ENG: variants seen among roughly 807,000 people sequenced by gnomAD.
ENG encodes CD105 antigen.
A neutral mutation model predicts 71.0 loss-of-function variants in ENG; 17 were observed. The ratio of observed to expected loss-of-function variants is 0.24; its 90% CI spans 0.16 to 0.36. The LOEUF (loss-of-function observed/expected upper bound fraction) is 0.36. Among genes scored for constraint, ENG ranks in the 10% least tolerant of loss-of-function variants. ENG has a pLI of 1.00. For missense variants in ENG, 749 were observed against 868.3 expected, an observed-to-expected ratio of 0.86 and a Z score of 1.73; for synonymous variants, 360 against 366.9, an observed-to-expected ratio of 0.98 and a Z score of 0.21.
Position 127,824,373 on chromosome 9 carries a change from G to A in ENG, c.1065C>T (p.Leu355=). 6.2e-7 allele frequency: 1 copy of A among 1,614,174 alleles called. No individual in the cohort carries two copies. Among genetic ancestry groups the A allele is most frequent in the Non-Finnish European group, 8.5e-7 (1 of 1,180,032 alleles). The change falls in exon 8 of 15, where the codon CTC becomes CTT. Residue 355 remains leucine, a synonymous_variant. Coordinates refer to ENST00000373203, the MANE Select transcript of ENG (RefSeq NM_001114753.3). ...PPKDTCSPEL[L]MSLIQTKCAD... ...CACACTTTGTCTGGATCAAGGACAT[G>A]AGCAGCTCCGGGCTACAAGTGTCCT... is the stretch of plus-strand genomic sequence containing the variant.
chr9:127,829,934 C>T (rs1231359296), intron 2 of ENG, 107 bp from the exon 3 acceptor site: 2 of 1,505,718 alleles, frequency 1.3e-6, no homozygotes, highest in Non-Finnish European at 1.8e-6. Context: ...CTCTCCCTGC[C>T]TGCTCTGTCC....
chr9:127,824,519 T>TC (rs1830554842), intron 7 of ENG, 73 bp from the exon 8 acceptor site: 2 of 1,443,430 alleles, frequency 1.4e-6, no homozygotes, highest in Non-Finnish European at 1.8e-6. Context: ...AGGCTTTTTT[T>TC]TTTTTTTTTT....
Position 127,836,177 on chromosome 9 carries a change from A to G in ENG, c.220-6350T>C, listed in dbSNP as rs552608430. ...CGGCCGGGGGCCCCAGAGGCAAAAA[A>G]CGATGGCGCCAGCCTTGCCCCCAAC... On this transcript the variant is annotated intron_variant, in intron 2 of 14. Coordinates refer to ENST00000373203, the MANE Select transcript of ENG (RefSeq NM_001114753.3). This position sits in a 1 kb window ranked among gnomAD's most constrained non-coding sequence, Gnocchi z 4.0. 9.2e-5 allele frequency among the ~76,000 whole-genome samples: 14 copies of G among 152,266 alleles called. No homozygotes were observed. In the South Asian group the frequency reaches 1.2e-3, roughly 14 times the overall value.
chr9:127,839,834 G>A (rs1241229718), intron 2 of ENG, among the ~76,000 whole-genome samples: 1 of 152,188 alleles, frequency 6.6e-6, no homozygotes, highest in African/African-American at 2.4e-5. Context: ...GGGATTACAG[G>A]TGTGAGCCAC....
chr9:127,848,545 A>T (rs1423767058), intron 1 of ENG, among the ~76,000 whole-genome samples: 2 of 152,138 alleles, frequency 1.3e-5, no homozygotes, highest in African/African-American at 2.4e-5. Flanking sequence ...TAGCCTCCCA[A>T]AACGTTGGGA....
Position 127,817,142 on chromosome 9 carries a change from A to G in ENG, c.1741+7T>C, listed in dbSNP as rs556772929. Reference sequence around the variant, plus strand: ...GAACAAACCCGAGAGACCTGGAGGGAGCTCACCAGACAGGTCAGGGCTGAT... The same window carrying G: ...GAACAAACCCGAGAGACCTGGAGGGGGCTCACCAGACAGGTCAGGGCTGAT... On this transcript the variant is annotated splice_region_variant and intron_variant, in intron 13 of 14. Coordinates refer to ENST00000373203, the MANE Select transcript of ENG (RefSeq NM_001114753.3). 1 of 1,614,130 alleles carries G rather than the reference A, an allele frequency of 6.2e-7. No homozygotes were observed. Among genetic ancestry groups the G allele is most frequent in the African/African-American group, 1.3e-5 (1 of 75,034 alleles).
rs1830583440 is a variant in ENG at position 127,825,330 on chromosome 9, T to G, written c.717A>C (p.Glu239Asp). The G allele has an allele frequency of 6.2e-7, 1 of 1,607,348 alleles. No individual in the cohort carries two copies. Among genetic ancestry groups the G allele is most frequent in the Non-Finnish European group, 8.5e-7 (1 of 1,178,912 alleles). Reference protein sequence around the residue: ...AGPRTVTVKVELSCAPGDLDA... With the variant: ...AGPRTVTVKVDLSCAPGDLDA... Reference sequence around the variant, plus strand: ...CGAGATCCCCGGGTGCGCAGCTCAGTTCCACCTTCACCGTCACCGTCCGGG... The same window carrying G: ...CGAGATCCCCGGGTGCGCAGCTCAGGTCCACCTTCACCGTCACCGTCCGGG... The change falls in exon 6 of 15, where the codon GAA becomes GAC. Residue 239 changes from glutamate (E) to aspartate (D), a missense_variant. Coordinates refer to ENST00000373203, the MANE Select transcript of ENG (RefSeq NM_001114753.3).
chr9:127,829,575 AG>A, intron 3 of ENG, 111 bp downstream of exon 3: 1 of 1,400,570 alleles, frequency 7.1e-7, no homozygotes, highest in South Asian at 1.2e-5. Context: ...TCAAGATGAA[AG>A]GGAGAAGCAG....
At position 127,815,681 on chromosome 9, in the gene ENG, G is replaced by T; in HGVS notation, c.*1C>A. ...TGCTGGGCGAGCGCGGGGGGCCGGG[G>T]CTATGCCATGCTGCTGGTGGAGCAG... On this transcript the variant is annotated 3_prime_UTR_variant, in exon 15 of 15. Transcript: ENST00000373203. 2 of 1,559,686 alleles carry T rather than the reference G, an allele frequency of 1.3e-6. No individual in the cohort carries two copies. Among genetic ancestry groups the T allele is most frequent in the Non-Finnish European group, 8.6e-7 (1 of 1,159,570 alleles).
rs1231444501 is a variant in ENG, at chr9:127,826,636, C to G, written c.397G>C (p.Val133Leu). ...AAGGATGGCAGCTCTGTGGTGTTGA[C>G]CCCCGGGGGCTCTTGGAAGGTGACC... ...SLVTFQEPPG[V>L]NTTELPSFPK... The change falls in exon 4 of 15, where the codon GTC (valine) becomes CTC (leucine). Residue 133 changes from valine to leucine, a missense_variant. By Grantham distance (32) the Val-to-Leu change is conservative (BLOSUM62 1). Coordinates refer to ENST00000373203, the MANE Select transcript of ENG (RefSeq NM_001114753.3). 6.2e-7 allele frequency: 1 copy of G among 1,613,830 alleles called. No homozygotes were observed. The highest frequency in any genetic ancestry group is 8.5e-7 in the Non-Finnish European group (1 of 1,179,994).
At chr9:127,849,399 C>T (rs1456565534) in intron 1 of ENG, among the ~76,000 whole-genome samples, 2 of 152,228 alleles carry the variant, frequency 1.3e-5, no homozygotes, top group African/African-American at 2.4e-5. Flanking sequence ...TTGTTTCTAA[C>T]ACCACAAACA....
chr9:127,821,869 T>G (rs1588578679), intron 8 of ENG, among the ~76,000 whole-genome samples: 1 of 104,542 alleles, frequency 9.6e-6, no homozygotes, highest in Non-Finnish European at 1.8e-5. Flanking sequence ...GGCAATAGTG[T>G]GAGACTGTCT....
At chr9:127,849,140 T>C (rs1482823125) in intron 1 of ENG, among the ~76,000 whole-genome samples, 1 of 152,212 alleles carries the variant, frequency 6.6e-6, no homozygotes, top group East Asian at 1.9e-4. Context: ...ATACCCCTGC[T>C]CTCTCTAAAA....
intron 3 of ENG, among the ~76,000 whole-genome samples, chr9:127,828,139 C>A (rs1830670501): frequency 6.6e-6 from 1 of 151,666 alleles, no homozygotes; most frequent in Non-Finnish European, 1.5e-5. Flanking sequence ...TGCCAGATGG[C>A]AACAGTAGAC....
Position 127,826,594 on chromosome 9 carries a change from G to A in ENG, c.439C>T (p.Leu147Phe), listed in dbSNP as rs754842836. ...ELPSFPKTQI[L>F]EWAAERGPIT... ...GGGCCCCTCTCAGCTGCCCACTCAA[G>A]GATCTGGGTCTTGGGGAAGGATGGC... The change falls in exon 4 of 15, where the codon CTT becomes TTT. Residue 147 changes from leucine to phenylalanine, a missense_variant. By Grantham distance (22) the Leu-to-Phe change is conservative. Coordinates refer to ENST00000373203, the MANE Select transcript of ENG (RefSeq NM_001114753.3). 6 of 1,614,022 alleles carry A rather than the reference G, an allele frequency of 3.7e-6. No homozygotes were observed. Among genetic ancestry groups the A allele is most frequent in the Non-Finnish European group, 3.4e-6 (4 of 1,180,030 alleles).
At chr9:127,847,457 ACC>A (rs779963131) in intron 1 of ENG, among the ~76,000 whole-genome samples, 1 of 150,506 alleles carries the variant, frequency 6.6e-6, no homozygotes, top group Admixed American at 6.6e-5. Context: ...TCCCGCTGCC[ACC>A]CCCCCTTTTC....
At chr9:127,828,824 G>C (rs10987750) in intron 3 of ENG, among the ~76,000 whole-genome samples, 66,374 of 151,784 alleles carry the variant, frequency 0.44, 14,915 homozygotes, top group East Asian at 0.67. Flanking sequence ...CCTCCCTCCC[G>C]CAGTGGGCAT....
intron 1 of ENG, among the ~76,000 whole-genome samples, chr9:127,852,643 CCT>C (rs1374356065): frequency 2.0e-5 from 3 of 152,004 alleles, no homozygotes; most frequent in Non-Finnish European, 4.4e-5. Context: ...GTTTTACACC[CCT>C]GACTGTCATC....
intron 1 of ENG, chr9:127,847,218 C>A (rs1831188023): frequency 6.6e-6 from 1 of 152,418 alleles, no homozygotes; most frequent in African/African-American, 2.4e-5. Context: ...AAACTGAAGA[C>A]CAGGGCGGTT....
Sources: allele counts gnomAD v4.1 joint callset (sites outside exome capture counted in the v4.1 genomes callset), GRCh38; gene constraint gnomAD v4.1.1; non-coding constraint Gnocchi (gnomAD v3.1); transcripts MANE v1.5; gene names NCBI Gene and HGNC (gene_info 2026-07-23, HGNC 2026-07-21).